Variants in CPNE2 observed in about 807,000 individuals in gnomAD.
The protein encoded by CPNE2 is copine 2, also known as copine-2.
In CPNE2, 42 loss-of-function variants were observed where a neutral mutation model predicts 69.7. The observed-to-expected ratio is 0.60, with a 90% CI of 0.47 to 0.78. The LOEUF (loss-of-function observed/expected upper bound fraction) is 0.78, where lower values mean the gene tolerates loss of function less well. Among genes scored for constraint, CPNE2 ranks in the 30% least tolerant of loss-of-function variants. The pLI is 0.00. For synonymous variants in CPNE2, 294 were observed against 289.8 expected, an observed-to-expected ratio of 1.01 and a Z score of -0.15; for missense variants, 587 against 732.0, an observed-to-expected ratio of 0.80 and a Z score of 2.29.
At chr16:57,107,827 C>T (rs1279365400) in intron 1 of CPNE2, among the ~76,000 whole-genome samples, 3 of 151,476 alleles carry the variant, frequency 2.0e-5, no homozygotes, top group South Asian at 4.2e-4. Context: ...TCCTGCCAGA[C>T]TGGACTGTGA....
intron 11 of CPNE2, among the ~76,000 whole-genome samples, chr16:57,126,903 C>G (rs1187649583): frequency 6.6e-6 from 1 of 152,200 alleles, no homozygotes; most frequent in Non-Finnish European, 1.5e-5. Context: ...AGATGCCTGG[C>G]TGAGCCACCA....
chr16:57,132,157 CAGA>C (rs1239839736), intron 12 of CPNE2, among the ~76,000 whole-genome samples: 1 of 152,124 alleles, frequency 6.6e-6, no homozygotes, highest in African/African-American at 2.4e-5. Context: ...TAGAAGGAAC[CAGA>C]AGGAGCACGT....
At chr16:57,128,722 C>T (rs1039659481) in intron 12 of CPNE2, among the ~76,000 whole-genome samples, 4 of 152,016 alleles carry the variant, frequency 2.6e-5, no homozygotes, top group Non-Finnish European at 5.9e-5. Flanking sequence ...GTACATTGTA[C>T]CCAGTAGGTG....
chr16:57,146,589 T>C lies in CPNE2; in HGVS notation c.1539+268T>C. The C allele has an allele frequency of 2.1e-6, 1 of 467,960 alleles. No homozygotes were observed. The highest frequency in any genetic ancestry group is 4.1e-5 in the East Asian group (1 of 24,138). 29.0% of individuals were successfully genotyped at this position (467,960 alleles called of 1,614,324 possible). On this transcript the variant is annotated intron_variant, in intron 15 of 15. Transcript: ENST00000290776. The surrounding 1 kb of genome is among the most constrained non-coding windows in gnomAD (Gnocchi z 4.4). Reference sequence around the variant, plus strand: ...TAGCCTGAGGCTCTGGGGCAGGGCTTCCTGGAGGACCTGCCCTCTAGTGGG... The same window carrying C: ...TAGCCTGAGGCTCTGGGGCAGGGCTCCCTGGAGGACCTGCCCTCTAGTGGG...
rs79893177 is a variant in CPNE2 at position 57,146,660 on chromosome 16, G to C, written c.1539+339G>C. 9,423 of 251,346 alleles carry C rather than the reference G, an allele frequency of 0.037. 213 individuals are homozygous for C. Among genetic ancestry groups the C allele is most frequent in the Middle Eastern group, 0.1 (77 of 750 alleles). The allele number at this position is 251,346 out of a possible 1,614,324, so 15.6% of individuals were successfully genotyped here. A position where few individuals can be genotyped will look rare whatever the true frequency, so the allele number is the denominator to read the frequency against. ...TATCCATGTGGTGTAAAGTGCAGGA[G>C]GAGAGAGGGGTTTTCCTGATCATCA... On this transcript the variant is annotated intron_variant, in intron 15 of 15. Transcript: ENST00000290776. This position sits in a 1 kb window ranked among gnomAD's most constrained non-coding sequence, Gnocchi z 4.4.
chr16:57,121,795 A>G, intron 9 of CPNE2, 35 bp downstream of exon 9: 1 of 1,592,676 alleles, frequency 6.3e-7, no homozygotes, highest in Non-Finnish European at 8.6e-7. Flanking sequence ...GCCAGGGGCC[A>G]GGTTTCAGGC....
intron 12 of CPNE2, among the ~76,000 whole-genome samples, chr16:57,131,469 G>A (rs528304569): frequency 1.8e-4 from 27 of 152,362 alleles, no homozygotes; most frequent in Admixed American, 1.2e-3. Context: ...GATGCCATTC[G>A]GGGGGCAGGG....
chr16:57,110,968 C>G, intron 2 of CPNE2, 46 bp downstream of exon 2: 1 of 1,555,744 alleles, frequency 6.4e-7, no homozygotes, highest in Non-Finnish European at 8.7e-7. Flanking sequence ...GGTGGCTAGG[C>G]TGCTGGGGAG....
At chr16:57,120,419 G>C (rs976423586) in intron 7 of CPNE2, among the ~76,000 whole-genome samples, 1 of 149,956 alleles carries the variant, frequency 6.7e-6, no homozygotes, top group Admixed American at 6.7e-5. Context: ...CCCTCTCACG[G>C]TCTTTAGTAG....
Position 57,119,228 on chromosome 16 carries a change from T to C in CPNE2, c.541T>C (p.Phe181Leu), listed in dbSNP as rs763921403. Residue 181 changes from phenylalanine (F) to leucine (L), a missense_variant, in exon 6 of 16, where the codon TTT becomes CTT. Around this residue, in one of 5 missense-constraint regions of CPNE2, gnomAD observed 269 missense variants for 300.5 expected, o/e 0.90. Coordinates refer to ENST00000290776, the MANE Select transcript of CPNE2 (RefSeq NM_152727.6). ...LFGKSDPFLE[F>L]YKPGDDGKWM... Reference sequence around the variant, plus strand: ...TGGGAAGTCAGACCCCTTTCTGGAGTTTTATAAGCCAGGAGACGATGGCAA... The same window carrying C: ...TGGGAAGTCAGACCCCTTTCTGGAGCTTTATAAGCCAGGAGACGATGGCAA... 25 of 1,613,484 alleles carry C rather than the reference T, an allele frequency of 1.5e-5. No individual in the cohort carries two copies. The South Asian group carries it at 2.7e-4, about 18-fold the overall frequency.
intron 14 of CPNE2, among the ~76,000 whole-genome samples, chr16:57,140,479 C>G (rs1330468105): frequency 6.7e-6 from 1 of 150,360 alleles, no homozygotes; most frequent in African/African-American, 2.5e-5. Flanking sequence ...CACCCATTTC[C>G]TCTTATGAAA....
At chr16:57,123,744 C>CCTGCAGGAGGAGG in intron 10 of CPNE2, 1 of 511,960 alleles carries the variant, frequency 2.0e-6, no homozygotes, top group Admixed American at 3.3e-5. Context: ...TGGAGGAAAA[C>CCTGCAGGAGGAGG]AAATTCCTCC....
At chr16:57,124,441 T>G (rs1204247826) in intron 10 of CPNE2, 1 of 452,160 alleles carries the variant, frequency 2.2e-6, no homozygotes, top group South Asian at 1.6e-5. Context: ...CATTTGTCGC[T>G]TCTCCCTGAT....
chr16:57,105,289 T>C (rs2069640957), intron 1 of CPNE2, among the ~76,000 whole-genome samples: 1 of 152,138 alleles, frequency 6.6e-6, no homozygotes, highest in African/African-American at 2.4e-5. Flanking sequence ...TTAAGGACGA[T>C]GAATTCCTAG....
chr16:57,099,989 G>A (rs1486534386), intron 1 of CPNE2, among the ~76,000 whole-genome samples: 1 of 152,054 alleles, frequency 6.6e-6, no homozygotes, highest in Non-Finnish European at 1.5e-5. Flanking sequence ...TAGCCGGGAT[G>A]GTCTTGATCT....
chr16:57,109,149 G>C (rs370651994), intron 1 of CPNE2, among the ~76,000 whole-genome samples: 1 of 152,142 alleles, frequency 6.6e-6, no homozygotes, highest in African/African-American at 2.4e-5. Flanking sequence ...AATTCAGGAC[G>C]AGTCCATAAA....
At chr16:57,098,376 C>T (rs993808743) in intron 1 of CPNE2, among the ~76,000 whole-genome samples, 3 of 152,230 alleles carry the variant, frequency 2.0e-5, no homozygotes, top group Admixed American at 6.5e-5. Flanking sequence ...GTGCCGCCCC[C>T]ACCTGGTCAG....
intron 1 of CPNE2, among the ~76,000 whole-genome samples, chr16:57,099,092 C>A (rs13380523): frequency 0.32 from 48,751 of 152,078 alleles, 8,851 homozygotes; most frequent in Middle Eastern, 0.46. Flanking sequence ...CCAAAGCCCC[C>A]GGTGTCCCCT....
At chr16:57,133,692 C>A (rs2145273773) in intron 12 of CPNE2, among the ~76,000 whole-genome samples, 1 of 152,198 alleles carries the variant, frequency 6.6e-6, no homozygotes, top group African/African-American at 2.4e-5. Flanking sequence ...GGGAGGAATG[C>A]CTTTGGAGGT....
Sources: gnomAD v4.1 joint callset for allele counts (sites outside exome capture counted in the v4.1 genomes callset) on GRCh38, gnomAD v4.1.1 for gene constraint, gnomAD v4.1.1 regional missense constraint, Gnocchi (gnomAD v3.1) non-coding constraint, MANE v1.5 for transcripts, NCBI Gene and HGNC (gene_info 2026-07-23, HGNC 2026-07-21) for gene names.